KLHL24: variants seen among roughly 807,000 people sequenced by gnomAD.
KLHL24 encodes kelch like family member 24, also known as kelch-like protein 24.
A neutral mutation model predicts 53.4 loss-of-function variants in KLHL24; 29 were observed. That is an observed-to-expected ratio of 0.54 (90% CI 0.40 to 0.74). The LOEUF (loss-of-function observed/expected upper bound fraction) is 0.74, where lower values mean the gene tolerates loss of function less well. Ranked by LOEUF, KLHL24 falls within the 30% of genes least tolerant of loss-of-function variation. The probability of loss-of-function intolerance (pLI) is 0.00; values close to 1 mark genes in which losing one functional copy is unlikely to be tolerated. For synonymous variants in KLHL24, 222 were observed against 253.7 expected, an observed-to-expected ratio of 0.88 and a Z score of 1.19; for missense variants, 504 against 744.0, an observed-to-expected ratio of 0.68 and a Z score of 3.75.
At chr3:183,636,947 C>T (rs1715369942) in intron 1 of KLHL24, among the ~76,000 whole-genome samples, 1 of 152,166 alleles carries the variant, frequency 6.6e-6, no homozygotes, top group Non-Finnish European at 1.5e-5. Context: ...CGTGGCCTGC[C>T]CTCCGAGGAC....
At chr3:183,656,062 T>TC (rs1560165378) in intron 3 of KLHL24, among the ~76,000 whole-genome samples, 5 of 146,594 alleles carry the variant, frequency 3.4e-5, no homozygotes, top group African/African-American at 5.1e-5. Flanking sequence ...TTTTTTTTTT[T>TC]CTGAGACAGG....
intron 7 of KLHL24, among the ~76,000 whole-genome samples, chr3:183,677,196 A>G (rs1157418827): frequency 6.6e-6 from 1 of 152,156 alleles, no homozygotes; most frequent in African/African-American, 2.4e-5. Context: ...GGTATTAATT[A>G]CCAGACCATG....
At chr3:183,638,865 C>A (rs187142939) in intron 1 of KLHL24, among the ~76,000 whole-genome samples, 5 of 152,182 alleles carry the variant, frequency 3.3e-5, no homozygotes, top group Non-Finnish European at 7.3e-5. Flanking sequence ...TAAAGTATTT[C>A]AACATTTGGC....
In KLHL24 at chr3:183,665,479, G is replaced by A. The variant is rs377343438; in HGVS notation, c.1224+440G>A. ...ATAAACTCACTAACAGGCCAGGCAC[G>A]TTGGCTCACGCCTGTAATCCCAGCA... On this transcript the variant is annotated intron_variant, in intron 5 of 7. Coordinates refer to ENST00000242810, the MANE Select transcript of KLHL24 (RefSeq NM_017644.3). Among the ~76,000 whole-genome samples, 33 of 152,264 alleles carry A rather than the reference G, an allele frequency of 2.2e-4. No homozygotes were observed. The South Asian group carries it at 3.5e-3, about 16-fold the overall frequency.
At chr3:183,639,018 T>C (rs904257700) in intron 1 of KLHL24, among the ~76,000 whole-genome samples, 3 of 151,772 alleles carry the variant, frequency 2.0e-5, no homozygotes, top group Admixed American at 6.6e-5. Context: ...CTGGCCAACG[T>C]GGTGAAACCC....
At chr3:183,667,149 G>A (rs916745919) in intron 5 of KLHL24, among the ~76,000 whole-genome samples, 1 of 152,180 alleles carries the variant, frequency 6.6e-6, no homozygotes, top group Admixed American at 6.5e-5. Context: ...GCCAGTCGTG[G>A]TGGCTCACAC....
chr3:183,662,334 T>C (rs1188247858), intron 3 of KLHL24, among the ~76,000 whole-genome samples: 5 of 152,178 alleles, frequency 3.3e-5, no homozygotes, highest in Non-Finnish European at 5.9e-5. Flanking sequence ...TGTTTTTTCC[T>C]ACTGTAATTG....
At chr3:183,653,680 C>T (rs1036669732) in intron 3 of KLHL24, among the ~76,000 whole-genome samples, 4 of 152,086 alleles carry the variant, frequency 2.6e-5, no homozygotes, top group African/African-American at 4.8e-5. Context: ...TTAATGAGAG[C>T]AGAACAAAGA....
In KLHL24 at chr3:183,650,238, T is replaced by C. The variant is rs540001444; in HGVS notation, c.-61-58T>C. 5.8e-6 allele frequency: 4 copies of C among 689,904 alleles called. No homozygotes were observed. The highest frequency in any genetic ancestry group is 2.9e-4 in the Middle Eastern group (1 of 3,444). 42.7% of individuals were successfully genotyped at this position (689,904 alleles called of 1,614,324 possible). Reference sequence around the variant, plus strand: ...TAGTGTTTATATTAAAATGAAATTATGTGATTTGAATACTGAATTTTTTGC... The same window carrying C: ...TAGTGTTTATATTAAAATGAAATTACGTGATTTGAATACTGAATTTTTTGC... On this transcript the variant is annotated intron_variant, in intron 2 of 7. Coordinates refer to ENST00000242810, the MANE Select transcript of KLHL24 (RefSeq NM_017644.3). This position sits in a 1 kb window ranked among gnomAD's most constrained non-coding sequence, Gnocchi z 4.5.
intron 1 of KLHL24, among the ~76,000 whole-genome samples, chr3:183,640,565 C>T (rs1418119882): frequency 1.3e-5 from 2 of 149,910 alleles, no homozygotes; most frequent in Non-Finnish European, 3.0e-5. Context: ...TAGTTGGTTT[C>T]TGTTACCTTT....
chr3:183,641,393 G>A (rs1716409032), intron 1 of KLHL24, among the ~76,000 whole-genome samples: 2 of 145,600 alleles, frequency 1.4e-5, no homozygotes, highest in East Asian at 2.0e-4. Flanking sequence ...CAGGAGAATC[G>A]CTTGAACCCA....
chr3:183,668,673 G>T (rs1027313262), intron 5 of KLHL24, among the ~76,000 whole-genome samples: 1 of 152,156 alleles, frequency 6.6e-6, no homozygotes, highest in African/African-American at 2.4e-5. Flanking sequence ...TTGGGAGGCC[G>T]AGGCAGGCAA....
rs758315847 is a variant in KLHL24 at position 183,663,514 on chromosome 3, G to T, written c.977G>T (p.Gly326Val). The T allele has an allele frequency of 3.8e-6, 6 of 1,589,896 alleles. No homozygotes were observed. The highest frequency in any genetic ancestry group is 1.7e-6 in the Non-Finnish European group (2 of 1,166,366). ...VVVGGCERVG[G>V]FNLPYTECYD... ...GTTGGAGGATGTGAGCGAGTTGGAG[G>T]ATTTAATCTTCCATACACTGAGTGC... Residue 326 changes from glycine (G) to valine (V), a missense_variant, in exon 4 of 8, where the codon GGA becomes GTA. Gly to Val is a moderately radical substitution (Grantham distance 109, BLOSUM62 -3). Coordinates refer to ENST00000242810, the MANE Select transcript of KLHL24 (RefSeq NM_017644.3). This position sits in a 1 kb window ranked among gnomAD's most constrained non-coding sequence, Gnocchi z 4.9.
chr3:183,682,782 T>C lies in KLHL24; in HGVS notation c.*3496T>C, dbSNP rs1712805138. 1 of 152,590 alleles carries C rather than the reference T, an allele frequency of 6.6e-6. No homozygotes were observed. Among genetic ancestry groups the C allele is most frequent in the Admixed American group, 6.5e-5 (1 of 15,274 alleles). The allele number at this position is 152,590 out of a possible 1,614,324, so 9.5% of individuals were successfully genotyped here. On this transcript the variant is annotated 3_prime_UTR_variant, in exon 8 of 8. Transcript: ENST00000242810. ...TTTGTCAATAAGCAAACCAGGTATT[T>C]TTTTTTTCTCCTGTTGTCTGGATAT...
intron 5 of KLHL24, among the ~76,000 whole-genome samples, chr3:183,666,649 T>C (rs1388200398): frequency 6.6e-6 from 1 of 152,202 alleles, no homozygotes; most frequent in Non-Finnish European, 1.5e-5. Flanking sequence ...TCTGAAATGT[T>C]CCAATGAGCA....
intron 2 of KLHL24, among the ~76,000 whole-genome samples, chr3:183,643,806 G>C (rs1375942275): frequency 6.6e-6 from 1 of 152,070 alleles, no homozygotes; most frequent in African/African-American, 2.4e-5. Context: ...CATTATGTTT[G>C]TTTGGAAAGA....
intron 1 of KLHL24, among the ~76,000 whole-genome samples, chr3:183,638,972 G>A (rs1414505043): frequency 3.9e-5 from 6 of 152,208 alleles, no homozygotes; most frequent in African/African-American, 7.2e-5. Flanking sequence ...AGGCTGAGGC[G>A]GGTGGATCAC....
chr3:183,665,188 T>A (rs892240756), intron 5 of KLHL24, 149 bp downstream of exon 5: 2 of 576,768 alleles, frequency 3.5e-6, no homozygotes, highest in African/African-American at 3.7e-5. Flanking sequence ...ACCAAAGATA[T>A]AAACAATATG....
intron 3 of KLHL24, among the ~76,000 whole-genome samples, chr3:183,658,508 C>T (rs149859694): frequency 1.0e-3 from 159 of 152,024 alleles, no homozygotes; most frequent in African/African-American, 3.7e-3. Flanking sequence ...CATTTTTTTG[C>T]CATTGCAAGT....
Sources: allele counts gnomAD v4.1 joint callset (sites outside exome capture counted in the v4.1 genomes callset), GRCh38; gene constraint gnomAD v4.1.1; non-coding constraint Gnocchi (gnomAD v3.1); transcripts MANE v1.5; gene names NCBI Gene and HGNC (gene_info 2026-07-23, HGNC 2026-07-21).